AGMO: variants seen among roughly 807,000 people sequenced by gnomAD.
The protein encoded by AGMO is glyceryl-ether monooxygenase.
Under a neutral mutation model 60.2 loss-of-function variants are expected in AGMO, and 75 were observed. The observed-to-expected ratio is 1.25, with a 90% CI of 1.03 to 1.51. AGMO has a LOEUF of 1.51. Ranked by LOEUF, AGMO falls within the 40% of genes most tolerant of loss-of-function variation. The probability of loss-of-function intolerance (pLI) is 0.00; values close to 1 mark genes in which losing one functional copy is unlikely to be tolerated. For synonymous variants in AGMO, 261 were observed against 177.1 expected, an observed-to-expected ratio of 1.47 and a Z score of -3.76; for missense variants, 763 against 525.5, an observed-to-expected ratio of 1.45 and a Z score of -4.42.
intron 10 of AGMO, among the ~76,000 whole-genome samples, chr7:15,376,607 CTATTA>C (rs1026254903): frequency 1.3e-5 from 2 of 151,988 alleles, no homozygotes; most frequent in African/African-American, 4.8e-5. Context: ...ATTACATATC[CTATTA>C]TAAGACCTTA....
At chr7:15,447,235 G>C (rs562638982) in intron 3 of AGMO, among the ~76,000 whole-genome samples, 10 of 152,246 alleles carry the variant, frequency 6.6e-5, no homozygotes, top group South Asian at 2.1e-4. Context: ...ATGACATCTT[G>C]ACCCTTTTTT....
chr7:15,192,706 C>G, the AGMO span, among the ~76,000 whole-genome samples: 1 of 152,162 alleles, frequency 6.6e-6, no homozygotes, highest in Non-Finnish European at 1.5e-5. Flanking sequence ...TTGTAACACA[C>G]CCTTAGACGC....
chr7:15,270,891 T>C (rs1783586009), intron 12 of AGMO, among the ~76,000 whole-genome samples: 1 of 151,944 alleles, frequency 6.6e-6, no homozygotes, highest in Non-Finnish European at 1.5e-5. Context: ...GGCTAGCCAA[T>C]TTTCCACACA....
chr7:15,387,205 G>A (rs1056547538), intron 9 of AGMO, among the ~76,000 whole-genome samples: 6 of 152,208 alleles, frequency 3.9e-5, no homozygotes, highest in African/African-American at 1.4e-4. Context: ...AAAAGGCAGT[G>A]TTCACCTGGG....
Position 15,359,617 on chromosome 7 carries a change from A to G in AGMO, c.1263+5897T>C, listed in dbSNP as rs149855708. On this transcript the variant is annotated intron_variant, in intron 12 of 12. Transcript: ENST00000342526. ...TCTTTCATACAACTCAGTTAGAAGC[A>G]AAGTTATCTGCTGTGTCTTAGAGCC... 3.6e-3 allele frequency among the ~76,000 whole-genome samples: 541 copies of G among 152,300 alleles called. 2 individuals carry two copies. The highest frequency in any genetic ancestry group is 0.012 in the African/African-American group (504 of 41,570).
At chr7:15,134,496 C>T in the AGMO span, among the ~76,000 whole-genome samples, 1 of 152,122 alleles carries the variant, frequency 6.6e-6, no homozygotes, top group African/African-American at 2.4e-5. Flanking sequence ...TTGTTCCCTT[C>T]CTTTTGCCCA....
chr7:15,389,378 C>G (rs1784049891), intron 8 of AGMO, among the ~76,000 whole-genome samples: 1 of 152,110 alleles, frequency 6.6e-6, no homozygotes, highest in African/African-American at 2.4e-5. Context: ...TGTACCATTT[C>G]TCAATTGGTT....
intron 3 of AGMO, among the ~76,000 whole-genome samples, chr7:15,474,533 T>C (rs1180595156): frequency 6.6e-6 from 1 of 152,232 alleles, no homozygotes; most frequent in East Asian, 1.9e-4. Flanking sequence ...TTAAACTTTA[T>C]ACAAAAATTA....
In AGMO at chr7:15,531,336, CTATATATATTCTATATATATTCTA is replaced by C. The variant is rs1562557016; in HGVS notation, c.409+13412_409+13435del. On this transcript the variant is annotated intron_variant, in intron 3 of 12. Coordinates refer to ENST00000342526, the MANE Select transcript of AGMO (RefSeq NM_001004320.2). ...TCTATACATATATTCTATATATATT[CTATATATATTCTATATATATTCTA>C]TATATATATTCTATATATATTCTAT... Among the ~76,000 whole-genome samples, 53 of 82,712 alleles carry C rather than the reference CTATATATATTCTATATATATTCTA, an allele frequency of 6.4e-4. 1 individual carries two copies. The highest frequency in any genetic ancestry group is 1.1e-3 in the South Asian group (3 of 2,838). The allele number at this position is 82,712 out of a possible 152,430, so 54.3% of individuals were successfully genotyped here.
intron 12 of AGMO, among the ~76,000 whole-genome samples, chr7:15,237,485 T>C (rs1436252646): frequency 6.6e-6 from 1 of 151,684 alleles, no homozygotes; most frequent in East Asian, 1.9e-4. Flanking sequence ...ACCTAGAGAG[T>C]GTTTTTTTTT....
chr7:15,477,331 T>C (rs1174981637), intron 3 of AGMO, among the ~76,000 whole-genome samples: 1 of 152,072 alleles, frequency 6.6e-6, no homozygotes, highest in African/African-American at 2.4e-5. Context: ...GGTTATAAAA[T>C]ATGTCCCATA....
At chr7:15,212,096 A>G (rs899440127) in intron 12 of AGMO, among the ~76,000 whole-genome samples, 1 of 152,006 alleles carries the variant, frequency 6.6e-6, no homozygotes, top group Non-Finnish European at 1.5e-5. Flanking sequence ...CTAGACAATC[A>G]AAACTCTTGA....
intron 8 of AGMO, among the ~76,000 whole-genome samples, chr7:15,389,943 G>C (rs79530621): frequency 1.1e-4 from 17 of 152,142 alleles, no homozygotes; most frequent in Admixed American, 1.1e-3. Flanking sequence ...ACATGAGCCA[G>C]TAAGTTCCTC....
chr7:15,358,518 A>T, intron 12 of AGMO: 1 of 452,880 alleles, frequency 2.2e-6, no homozygotes, highest in African/African-American at 2.0e-5. Context: ...TTAGGAGGGT[A>T]AGAATCCCTC....
intron 1 of AGMO, 140 bp downstream of exon 1, chr7:15,561,580 C>T (rs910432788): frequency 8.2e-6 from 7 of 857,544 alleles, no homozygotes; most frequent in South Asian, 3.7e-5. Flanking sequence ...TTTTGCTTCA[C>T]GCCTTTAAGA....
At chr7:15,223,369 T>C (rs183611860) in intron 12 of AGMO, among the ~76,000 whole-genome samples, 1 of 152,092 alleles carries the variant, frequency 6.6e-6, no homozygotes, top group African/African-American at 2.4e-5. Flanking sequence ...TATCATTGCA[T>C]TATATTGAAA....
At chr7:15,347,196 T>C (rs1583436140) in intron 12 of AGMO, among the ~76,000 whole-genome samples, 2 of 152,060 alleles carry the variant, frequency 1.3e-5, no homozygotes, top group Admixed American at 1.3e-4. Flanking sequence ...TCCTGTTCAA[T>C]TGTATGCACG....
At chr7:15,457,865 T>C (rs780749034) in intron 3 of AGMO, among the ~76,000 whole-genome samples, 33 of 152,154 alleles carry the variant, frequency 2.2e-4, no homozygotes, top group Non-Finnish European at 4.3e-4. Context: ...GGCTTTACTC[T>C]TTGGTACAGA....
chr7:15,537,727 A>G (rs934961723), intron 3 of AGMO, among the ~76,000 whole-genome samples: 9 of 152,220 alleles, frequency 5.9e-5, no homozygotes, highest in African/African-American at 2.2e-4. Flanking sequence ...TAATAGCCAT[A>G]ATCTTTTTTT....
Sources: allele counts gnomAD v4.1 joint callset (sites outside exome capture counted in the v4.1 genomes callset), GRCh38; gene constraint gnomAD v4.1.1; transcripts MANE v1.5; gene names NCBI Gene and HGNC (gene_info 2026-07-23, HGNC 2026-07-21).